KCTD16: variants seen among roughly 807,000 people sequenced by gnomAD.
The protein encoded by KCTD16 is potassium channel tetramerization domain containing 16, also known as BTB/POZ domain-containing protein KCTD16.
In KCTD16, 13 loss-of-function variants were observed where a neutral mutation model predicts 33.2. The ratio of observed to expected loss-of-function variants is 0.39; its 90% confidence interval spans 0.25 to 0.62. The LOEUF (loss-of-function observed/expected upper bound fraction) is 0.62. Ranked by LOEUF, KCTD16 falls within the 20% of genes least tolerant of loss-of-function variation. The pLI, the probability that KCTD16 is intolerant of heterozygous loss-of-function variation, is 0.50. For synonymous variants in KCTD16, 197 were observed against 195.3 expected, an observed-to-expected ratio of 1.01 and a Z score of -0.07; for missense variants, 441 against 525.1, an observed-to-expected ratio of 0.84 and a Z score of 1.57.
intron 3 of KCTD16, among the ~76,000 whole-genome samples, chr5:144,308,913 T>G (rs1751681424): frequency 6.6e-6 from 1 of 151,612 alleles, no homozygotes; most frequent in Non-Finnish European, 1.5e-5. Context: ...GAGCATGGGG[T>G]CTCATTCCTC....
intron 3 of KCTD16, among the ~76,000 whole-genome samples, chr5:144,234,885 T>C (rs757499784): frequency 6.6e-6 from 1 of 152,056 alleles, no homozygotes; most frequent in Non-Finnish European, 1.5e-5. Context: ...AAAAATGAGT[T>C]GCTGAGATGG....
chr5:144,193,762 A>G (rs1752888681), intron 2 of KCTD16, among the ~76,000 whole-genome samples: 2 of 152,122 alleles, frequency 1.3e-5, no homozygotes, highest in Admixed American at 1.3e-4. Context: ...ATTTGGGTAA[A>G]AGGCAAAGAA....
chr5:144,439,504 G>A (rs990152944), intron 3 of KCTD16: 9 of 229,620 alleles, frequency 3.9e-5, no homozygotes, highest in African/African-American at 1.6e-4. Context: ...TTCCAGCCTC[G>A]AGCTTTACAC....
chr5:144,380,355 G>A (rs1159934971), intron 3 of KCTD16, among the ~76,000 whole-genome samples: 2 of 151,862 alleles, frequency 1.3e-5, no homozygotes, highest in African/African-American at 4.8e-5. Context: ...ACAAACAAAT[G>A]GAAAAACATT....
intron 3 of KCTD16, among the ~76,000 whole-genome samples, chr5:144,440,258 T>C (rs1406635829): frequency 1.3e-5 from 2 of 152,198 alleles, no homozygotes; most frequent in Admixed American, 1.3e-4. Context: ...ACTATGGAGT[T>C]TCTCACAGTT....
At chr5:144,274,049 T>C (rs1755377804) in intron 3 of KCTD16, among the ~76,000 whole-genome samples, 1 of 150,644 alleles carries the variant, frequency 6.6e-6, no homozygotes, top group East Asian at 1.9e-4. Flanking sequence ...TAATAAAAAA[T>C]AGAAAAAAAA....
At chr5:144,439,450 C>T (rs978803974) in intron 3 of KCTD16, 6 of 295,854 alleles carry the variant, frequency 2.0e-5, no homozygotes, top group Admixed American at 9.1e-5. Context: ...TTCCAGTGCC[C>T]GCTACCCAAG....
chr5:144,236,555 C>A (rs901692500), intron 3 of KCTD16, among the ~76,000 whole-genome samples: 2 of 152,080 alleles, frequency 1.3e-5, no homozygotes, highest in African/African-American at 4.8e-5. Flanking sequence ...ATAAGATATA[C>A]ACAACTCATA....
intron 3 of KCTD16, among the ~76,000 whole-genome samples, chr5:144,347,318 G>C (rs1301317413): frequency 6.6e-6 from 1 of 152,218 alleles, no homozygotes; most frequent in Non-Finnish European, 1.5e-5. Context: ...AAACCGGCTG[G>C]GCACAGTGGC....
intron 3 of KCTD16, among the ~76,000 whole-genome samples, chr5:144,404,341 T>C (rs547041532): frequency 3.9e-5 from 6 of 152,300 alleles, no homozygotes; most frequent in Non-Finnish European, 8.8e-5. Context: ...TATCAATTAA[T>C]ATTGATATTA....
At chr5:144,187,445 C>CAT (rs1316729334) in intron 2 of KCTD16, among the ~76,000 whole-genome samples, 1 of 145,286 alleles carries the variant, frequency 6.9e-6, no homozygotes, top group Non-Finnish European at 1.5e-5. Context: ...CACACACACA[C>CAT]ATATACACAC....
At chr5:144,458,789 C>G (rs1754129275) in intron 3 of KCTD16, among the ~76,000 whole-genome samples, 1 of 152,186 alleles carries the variant, frequency 6.6e-6, no homozygotes. Flanking sequence ...GTACAGGGCT[C>G]TCTTCTTGCA....
chr5:144,372,972 T>G (rs1027632465), intron 3 of KCTD16, among the ~76,000 whole-genome samples: 3 of 152,070 alleles, frequency 2.0e-5, no homozygotes, highest in African/African-American at 7.2e-5. Flanking sequence ...GTTATAATAA[T>G]CTGGGGTAGT....
intron 3 of KCTD16, among the ~76,000 whole-genome samples, chr5:144,355,815 A>G (rs1010565408): frequency 6.6e-5 from 10 of 151,936 alleles, no homozygotes; most frequent in African/African-American, 2.2e-4. Context: ...TCGCTTTTTC[A>G]TTTGTTCTAT....
At chr5:144,327,024 G>T (rs1467514234) in intron 3 of KCTD16, among the ~76,000 whole-genome samples, 1 of 152,098 alleles carries the variant, frequency 6.6e-6, no homozygotes, top group South Asian at 2.1e-4. Flanking sequence ...ATAGAGTGCG[G>T]GAACTAAACG....
chr5:144,320,264 G>C (rs1470646440), intron 3 of KCTD16, among the ~76,000 whole-genome samples: 1 of 152,056 alleles, frequency 6.6e-6, no homozygotes, highest in African/African-American at 2.4e-5. Flanking sequence ...AAATCTGAGG[G>C]CTAAAAAGGA....
rs75695591 is a variant in KCTD16, at chr5:144,327,659, A to G, written c.832+120113A>G. Among the ~76,000 whole-genome samples the G allele has an allele frequency of 5.3e-5, 8 of 152,302 alleles. 1 individual carries two copies. In the East Asian group the frequency reaches 7.7e-4, roughly 15 times the overall value. On this transcript the variant is annotated intron_variant, in intron 3 of 3. Coordinates refer to ENST00000512467, the MANE Select transcript of KCTD16 (RefSeq NM_020768.4). ...GATGCACATGTGACTAAATATACAC[A>G]TGAATTAAAAAAATGACCCACAAAA...
rs937902847 is a variant in KCTD16, at chr5:144,483,215, A to G, written c.*9101A>G. The stretch of plus-strand genomic sequence containing the variant: ...ACAGTGATAATGTTTAAGAAGAAAA[A>G]GAAAAATGTAGGTGTATGATAGCAC... On this transcript the variant is annotated 3_prime_UTR_variant, in exon 4 of 4. Coordinates refer to ENST00000512467, the MANE Select transcript of KCTD16 (RefSeq NM_020768.4). The G allele has an allele frequency of 6.6e-6, 1 of 151,654 alleles. No homozygotes were observed. The highest frequency in any genetic ancestry group is 1.5e-5 in the Non-Finnish European group (1 of 67,874). 9.4% of individuals were successfully genotyped at this position (151,654 alleles called of 1,614,324 possible).
At chr5:144,332,897 G>A (rs1389530612) in intron 3 of KCTD16, among the ~76,000 whole-genome samples, 3 of 152,196 alleles carry the variant, frequency 2.0e-5, no homozygotes, top group Non-Finnish European at 2.9e-5. Context: ...GGAAGGCAAA[G>A]GAGGAGAAAG....
Sources: allele counts gnomAD v4.1 joint callset (sites outside exome capture counted in the v4.1 genomes callset), GRCh38; gene constraint gnomAD v4.1.1; transcripts MANE v1.5; gene names NCBI Gene and HGNC (gene_info 2026-07-23, HGNC 2026-07-21).